The following VTI1A variants were observed in gnomAD, a reference collection of about 807,000 sequenced individuals.
VTI1A encodes the protein vesicle transport through interaction with t-SNAREs 1A, also known as vesicle transport through interaction with t-SNAREs homolog 1A.
VTI1A carries 22 observed loss-of-function variants against 34.9 expected under a neutral mutation model. That is an observed-to-expected ratio of 0.63 (90% CI 0.45 to 0.90). VTI1A has a LOEUF of 0.90. VTI1A is among the 40% of genes least tolerant of loss of function. The probability of loss-of-function intolerance (pLI) is 0.00; values close to 1 mark genes in which losing one functional copy is unlikely to be tolerated. For synonymous variants in VTI1A, 87 were observed against 97.3 expected, an observed-to-expected ratio of 0.89 and a Z score of 0.62; for missense variants, 268 against 275.6, an observed-to-expected ratio of 0.97 and a Z score of 0.20.
At position 112,451,733 on chromosome 10, in the gene VTI1A, A is replaced by G. The variant is rs1380092203; in HGVS notation, c.94+4266A>G. 1.1e-4 allele frequency among the ~76,000 whole-genome samples: 16 copies of G among 152,076 alleles called. No individual in the cohort carries two copies. In the East Asian group the frequency reaches 2.3e-3, roughly 22 times the overall value. On this transcript the variant is annotated intron_variant, in intron 1 of 7. Coordinates refer to ENST00000393077, the MANE Select transcript of VTI1A (RefSeq NM_145206.4). ...TAGCCACGTGTAGATGAAGGCATAA[A>G]CATACTTCTGTGATTCTCTCTTGCC...
the VTI1A span, among the ~76,000 whole-genome samples, chr10:112,846,282 C>T: frequency 6.6e-6 from 1 of 152,202 alleles, no homozygotes; most frequent in Admixed American, 6.5e-5. Flanking sequence ...CATAAGAAGT[C>T]CCATCTTACA....
the VTI1A span, among the ~76,000 whole-genome samples, chr10:112,835,699 C>A: frequency 1.3e-5 from 2 of 151,884 alleles, no homozygotes; most frequent in Non-Finnish European, 2.9e-5. Context: ...GGCAAAAAAT[C>A]AAAATAAGCC....
intron 7 of VTI1A, among the ~76,000 whole-genome samples, chr10:112,714,092 A>G (rs1849523646): frequency 6.6e-6 from 1 of 152,130 alleles, no homozygotes; most frequent in Non-Finnish European, 1.5e-5. Flanking sequence ...TGCATTCCCT[A>G]TTGAAAACTT....
chr10:112,625,368 C>T (rs1314451404), intron 5 of VTI1A, among the ~76,000 whole-genome samples: 5 of 152,046 alleles, frequency 3.3e-5, no homozygotes, highest in African/African-American at 1.2e-4. Flanking sequence ...CCGGGCGCGG[C>T]GGCTTCACGC....
At chr10:112,592,824 G>A (rs1044403964) in intron 5 of VTI1A, among the ~76,000 whole-genome samples, 2 of 152,228 alleles carry the variant, frequency 1.3e-5, no homozygotes, top group African/African-American at 2.4e-5. Context: ...CAGTCCACAG[G>A]AAGAAAGGAA....
chr10:112,632,928 C>T lies in VTI1A; in HGVS notation c.428-35290C>T, dbSNP rs537925699. ...GCCTGGGTATTTACAAATAGAAATA[C>T]TTCTTATTTTGTTGTAAGTTATTTT... is the stretch of plus-strand genomic sequence containing the variant. On this transcript the variant is annotated intron_variant, in intron 5 of 7. Coordinates refer to ENST00000393077, the MANE Select transcript of VTI1A (RefSeq NM_145206.4). Among the ~76,000 whole-genome samples, 7 of 152,268 alleles carry T rather than the reference C, an allele frequency of 4.6e-5. No homozygotes were observed. In the Middle Eastern group the frequency reaches 0.01, roughly 222 times the overall value.
At chr10:112,541,744 A>G (rs1271718473) in intron 5 of VTI1A, among the ~76,000 whole-genome samples, 3 of 152,180 alleles carry the variant, frequency 2.0e-5, no homozygotes. Flanking sequence ...CAGCAGAGGG[A>G]CACATGTCCA....
intron 7 of VTI1A, among the ~76,000 whole-genome samples, chr10:112,691,318 A>C (rs1263924967): frequency 4.6e-5 from 7 of 151,730 alleles, no homozygotes; most frequent in Admixed American, 4.6e-4. Context: ...AAAGTTCCAC[A>C]GATAATTGGT....
intron 4 of VTI1A, among the ~76,000 whole-genome samples, chr10:112,531,999 G>C (rs1850462697): frequency 6.6e-6 from 1 of 152,010 alleles, no homozygotes; most frequent in Non-Finnish European, 1.5e-5. Context: ...AATAAAGAAA[G>C]CTTCTTATTT....
chr10:112,496,926 A>T (rs1849045669), intron 3 of VTI1A, among the ~76,000 whole-genome samples: 1 of 152,206 alleles, frequency 6.6e-6, no homozygotes. Flanking sequence ...AATAAAAAAT[A>T]AACAAGCTAG....
chr10:112,536,212 TA>T (rs1465452095), intron 4 of VTI1A, among the ~76,000 whole-genome samples: 1 of 150,666 alleles, frequency 6.6e-6, no homozygotes, highest in Admixed American at 6.7e-5. Flanking sequence ...TTTCATCCAA[TA>T]TGAAAATGAA....
chr10:112,737,299 G>A (rs1233240377), intron 7 of VTI1A: 18 of 1,011,542 alleles, frequency 1.8e-5, no homozygotes, highest in Non-Finnish European at 2.1e-5. Flanking sequence ...GGCCAGGATG[G>A]TCTCGATCTC....
chr10:112,584,205 T>A (rs898600071), intron 5 of VTI1A, among the ~76,000 whole-genome samples: 1 of 152,184 alleles, frequency 6.6e-6, no homozygotes, highest in Non-Finnish European at 1.5e-5. Flanking sequence ...ATGGTAGTAT[T>A]TTGGGTGGTT....
Position 112,815,342 on chromosome 10 carries a change from A to C in VTI1A, c.613A>C (p.Thr205Pro). 6.2e-7 allele frequency: 1 copy of C among 1,614,002 alleles called. No homozygotes were observed. The highest frequency in any genetic ancestry group is 8.5e-7 in the Non-Finnish European group (1 of 1,180,014). ...LVILGIIVVI[T>P]ILMAITFSVR... ...CATCCTAGGGATCATCGTGGTCATC[A>C]CCATCCTGATGGCGATCACTTTTTC... Residue 205 changes from threonine to proline, a missense_variant, in exon 8 of 8, where the codon ACC becomes CCC. Thr to Pro is a conservative substitution (Grantham distance 38). Transcript: ENST00000393077.
chr10:112,689,833 A>G (rs1419823879), intron 7 of VTI1A, among the ~76,000 whole-genome samples: 1 of 152,016 alleles, frequency 6.6e-6, no homozygotes, highest in East Asian at 1.9e-4. Flanking sequence ...ATGCATATGC[A>G]GCTGTGTTGC....
chr10:112,778,663 A>G (rs538895811), intron 7 of VTI1A, among the ~76,000 whole-genome samples: 51 of 151,404 alleles, frequency 3.4e-4, no homozygotes, highest in African/African-American at 1.2e-3. Flanking sequence ...CTTCAGAAGC[A>G]TGAAGCAGTT....
intron 4 of VTI1A, among the ~76,000 whole-genome samples, chr10:112,530,969 C>G (rs1850400845): frequency 6.6e-6 from 1 of 151,864 alleles, no homozygotes; most frequent in African/African-American, 2.4e-5. Flanking sequence ...TAATAGAGTT[C>G]AGCATTTATT....
At chr10:112,747,269 A>G (rs1239473797) in intron 7 of VTI1A, among the ~76,000 whole-genome samples, 2 of 152,210 alleles carry the variant, frequency 1.3e-5, no homozygotes, top group Admixed American at 6.5e-5. Context: ...ATCTGCCACA[A>G]GTATTCTTAT....
At chr10:112,825,864 G>A in the VTI1A span, 1 of 152,290 alleles carries the variant, frequency 6.6e-6, no homozygotes, top group East Asian at 1.9e-4. Context: ...AATTCCACAT[G>A]CATGTTCAAT....
Sources: allele counts gnomAD v4.1 joint callset (sites outside exome capture counted in the v4.1 genomes callset), GRCh38; gene constraint gnomAD v4.1.1; transcripts MANE v1.5; gene names NCBI Gene and HGNC (gene_info 2026-07-23, HGNC 2026-07-21).